Variants in KIAA1217 observed in about 807,000 individuals in gnomAD.
KIAA1217 encodes the protein sickle tail protein homolog.
Under a neutral mutation model 163.9 loss-of-function variants are expected in KIAA1217, and 88 were observed. The observed-to-expected ratio is 0.54, with a 90% CI of 0.45 to 0.64. The LOEUF is 0.64. Ranked by LOEUF, KIAA1217 falls within the 30% of genes least tolerant of loss-of-function variation. The pLI, the probability that KIAA1217 is intolerant of heterozygous loss-of-function variation, is 0.00. For missense variants in KIAA1217, 2,372 were observed against 2,475.0 expected (o/e 0.96, Z 0.88); for synonymous variants, 903 against 923.1 (o/e 0.98, Z 0.39).
rs149745610 is a variant in KIAA1217 at position 23,818,650 on chromosome 10, T to G, written c.-321+123416T>G. ...TGCCCCAGAGCACCTTCTTGCTCCT[T>G]AGTGCTTGTTTGATCACAGCACAGG... On this transcript the variant is annotated intron_variant, in intron 1 of 18. Transcript: ENST00000376462. Among the ~76,000 whole-genome samples, 186 of 152,180 alleles carry G rather than the reference T, an allele frequency of 1.2e-3. 13 individuals are homozygous for G. The East Asian group carries it at 0.028, about 23-fold the overall frequency.
intron 1 of KIAA1217, among the ~76,000 whole-genome samples, chr10:23,832,410 C>T (rs1242570028): frequency 6.6e-6 from 1 of 152,198 alleles, no homozygotes; most frequent in Non-Finnish European, 1.5e-5. Context: ...AGGAAGCTTT[C>T]TGAGCCCTGT....
chr10:24,422,863 G>A (rs1338804934), intron 3 of KIAA1217, among the ~76,000 whole-genome samples: 1 of 150,894 alleles, frequency 6.6e-6, no homozygotes, highest in Non-Finnish European at 1.5e-5. Flanking sequence ...GGTTATGGGG[G>A]GCAAGACACT....
intron 2 of KIAA1217, among the ~76,000 whole-genome samples, chr10:24,247,313 C>T (rs140355091): frequency 2.0e-4 from 31 of 152,056 alleles, no homozygotes; most frequent in Non-Finnish European, 3.4e-4. Flanking sequence ...TTTTTAGAGG[C>T]GGGGTCTCAC....
chr10:24,143,924 G>T (rs2064193915), intron 2 of KIAA1217, among the ~76,000 whole-genome samples: 1 of 152,108 alleles, frequency 6.6e-6, no homozygotes. Context: ...AGAGAGTTAT[G>T]GGCATGGCAG....
chr10:23,966,763 C>T (rs1002778858), intron 1 of KIAA1217, among the ~76,000 whole-genome samples: 2 of 151,994 alleles, frequency 1.3e-5, no homozygotes, highest in African/African-American at 4.8e-5. Context: ...CCATTCATCC[C>T]GAAGAAAGTA....
intron 1 of KIAA1217, among the ~76,000 whole-genome samples, chr10:23,971,154 G>A (rs929803585): frequency 2.1e-4 from 32 of 152,220 alleles, no homozygotes; most frequent in African/African-American, 7.2e-4. Flanking sequence ...TGGCCTGCCC[G>A]CCCTTGGGAG....
chr10:23,953,982 G>T (rs977305915), intron 1 of KIAA1217, among the ~76,000 whole-genome samples: 6 of 152,118 alleles, frequency 3.9e-5, no homozygotes, highest in Non-Finnish European at 4.4e-5. Context: ...TCTCAGTGAA[G>T]CTCTTCTCTT....
At chr10:23,739,521 C>T (rs1311698224) in intron 1 of KIAA1217, among the ~76,000 whole-genome samples, 2 of 152,108 alleles carry the variant, frequency 1.3e-5, no homozygotes, top group Non-Finnish European at 2.9e-5. Flanking sequence ...GTGGCTTGAG[C>T]AGAACAAGCG....
chr10:24,208,317 A>G (rs993649157), upstream of KIAA1217, among the ~76,000 whole-genome samples: 1 of 151,824 alleles, frequency 6.6e-6, no homozygotes, highest in African/African-American at 2.4e-5. Flanking sequence ...GTTAACTGGG[A>G]GAGCTTCAGA....
Position 23,993,029 on chromosome 10 carries a change from C to CTTT in KIAA1217, c.-320-14178_-320-14176dup, listed in dbSNP as rs1188657000. 2.3e-3 allele frequency among the ~76,000 whole-genome samples: 276 copies of CTTT among 118,620 alleles called. 1 individual carries two copies. The highest frequency in any genetic ancestry group is 3.7e-3 in the Non-Finnish European group (218 of 58,792). 77.8% of individuals were successfully genotyped at this position (118,620 alleles called of 152,430 possible). A position where few individuals can be genotyped will look rare whatever the true frequency, so the allele number is the denominator to read the frequency against. ...TGAACAAAGGTACTCTGATAGCTTC[C>CTTT]TTTTTTTTTTTTTTTTTTTTGAGAT... On this transcript the variant is annotated intron_variant, in intron 1 of 18. Coordinates refer to the KIAA1217 transcript ENST00000376462.
At chr10:24,505,061 C>G (rs2068155528) in intron 9 of KIAA1217, among the ~76,000 whole-genome samples, 1 of 152,078 alleles carries the variant, frequency 6.6e-6, no homozygotes, top group African/African-American at 2.4e-5. Flanking sequence ...CTGGCACGGA[C>G]TGGAGGCTAG....
intron 2 of KIAA1217, among the ~76,000 whole-genome samples, chr10:24,055,761 C>T (rs901488698): frequency 6.6e-6 from 1 of 151,756 alleles, no homozygotes; most frequent in Non-Finnish European, 1.5e-5. Flanking sequence ...TGTGAAGAAG[C>T]ATCTTCAATA....
intron 1 of KIAA1217, among the ~76,000 whole-genome samples, chr10:23,822,286 G>T (rs1400937449): frequency 3.3e-5 from 5 of 152,150 alleles, no homozygotes; most frequent in Non-Finnish European, 7.3e-5. Context: ...CCTAAACTCA[G>T]AACTCAAGGG....
chr10:23,932,672 T>C (rs914462878), intron 1 of KIAA1217, among the ~76,000 whole-genome samples: 6 of 152,194 alleles, frequency 3.9e-5, no homozygotes, highest in African/African-American at 1.4e-4. Context: ...CCACTGACAT[T>C]TACTATTTGT....
chr10:23,858,759 G>A (rs1215594532), intron 1 of KIAA1217, among the ~76,000 whole-genome samples: 2 of 152,072 alleles, frequency 1.3e-5, no homozygotes, highest in African/African-American at 4.8e-5. Context: ...TGCCTCATCT[G>A]CTGGTTCTCT....
chr10:24,106,465 C>A (rs2131731489), intron 2 of KIAA1217, among the ~76,000 whole-genome samples: 1 of 151,482 alleles, frequency 6.6e-6, no homozygotes, highest in East Asian at 1.9e-4. Context: ...GCTGGAAGTC[C>A]ACTCTAGCCT....
intron 2 of KIAA1217, among the ~76,000 whole-genome samples, chr10:24,262,370 G>A (rs2075805662): frequency 6.6e-6 from 1 of 152,210 alleles, no homozygotes; most frequent in Non-Finnish European, 1.5e-5. Flanking sequence ...GCTCACACCT[G>A]TAATCCCAGC....
At chr10:24,468,064 T>G (rs375777304) in intron 5 of KIAA1217, among the ~76,000 whole-genome samples, 1 of 152,194 alleles carries the variant, frequency 6.6e-6, no homozygotes, top group Admixed American at 6.5e-5. Flanking sequence ...TGTTTTAAAC[T>G]GTGAATTATA....
At chr10:24,179,274 C>T (rs2066056657) in intron 2 of KIAA1217, among the ~76,000 whole-genome samples, 1 of 152,132 alleles carries the variant, frequency 6.6e-6, no homozygotes, top group African/African-American at 2.4e-5. Flanking sequence ...ATTTTAATCC[C>T]TAATATTGGA....
Sources: allele counts gnomAD v4.1 joint callset (sites outside exome capture counted in the v4.1 genomes callset), GRCh38; gene constraint gnomAD v4.1.1; transcripts MANE v1.5; gene names NCBI Gene and HGNC (gene_info 2026-07-23, HGNC 2026-07-21).